The following SMC2 variants were observed in gnomAD, a reference collection of about 807,000 sequenced individuals.
SMC2 encodes structural maintenance of chromosomes 2, also known as structural maintenance of chromosomes protein 2.
In SMC2, 41 loss-of-function variants were observed where a neutral mutation model predicts 142.6. The ratio of observed to expected loss-of-function variants is 0.29; its 90% CI spans 0.22 to 0.37. The LOEUF (loss-of-function observed/expected upper bound fraction) is 0.37, where lower values mean the gene tolerates loss of function less well. SMC2 is among the 10% of genes least tolerant of loss of function. The pLI is 1.00. For missense variants in SMC2, 1,265 were observed against 1,373.7 expected (o/e 0.92, Z 1.25); for synonymous variants, 463 against 457.5 (o/e 1.01, Z -0.15).
intron 15 of SMC2, among the ~76,000 whole-genome samples, chr9:104,119,455 G>A (rs776922351): frequency 2.0e-5 from 3 of 151,978 alleles, no homozygotes; most frequent in Non-Finnish European, 4.4e-5. Flanking sequence ...ATGTGAAATC[G>A]GCTTATTCTG....
upstream of SMC2, among the ~76,000 whole-genome samples, chr9:104,090,931 A>C (rs1829974535): frequency 6.6e-6 from 1 of 152,260 alleles, no homozygotes; most frequent in Admixed American, 6.5e-5. Flanking sequence ...AGAATTCACA[A>C]AGAACCAAAC....
Position 104,134,594 on chromosome 9 carries a change from ATATTATAATTTTCATTCCTCTT to A in SMC2, c.3269+30_3269+51del. The A allele has an allele frequency of 7.4e-7, 1 of 1,344,082 alleles. No homozygotes were observed. The highest frequency in any genetic ancestry group is 1.4e-5 in the South Asian group (1 of 73,554). The allele number at this position is 1,344,082 out of a possible 1,614,324, so 83.3% of individuals were successfully genotyped here. A position where few individuals can be genotyped will look rare whatever the true frequency, so the allele number is the denominator to read the frequency against. Reference sequence around the variant, plus strand: ...GTCAGAGGTGAGGAATCACTTTGCTATATTATAATTTTCATTCCTCTTTATTATAATTCATCTCCTTACCTTA... The same window carrying A: ...GTCAGAGGTGAGGAATCACTTTGCTATATTATAATTCATCTCCTTACCTTA... On this transcript the variant is annotated intron_variant, in intron 23 of 24. Transcript: ENST00000374793.
intron 15 of SMC2, among the ~76,000 whole-genome samples, chr9:104,118,922 C>T (rs542783135): frequency 3.4e-4 from 51 of 152,164 alleles, no homozygotes; most frequent in African/African-American, 1.1e-3. Flanking sequence ...TTAATAACAA[C>T]GATGAGGTAG....
chr9:104,120,585 A>G (rs1157515192), intron 16 of SMC2, among the ~76,000 whole-genome samples: 2 of 152,178 alleles, frequency 1.3e-5, no homozygotes, highest in African/African-American at 4.8e-5. Context: ...TGGCTGTCCT[A>G]CATATATCAA....
chr9:104,118,450 G>A, intron 15 of SMC2, 75 bp downstream of exon 15: 11 of 1,211,116 alleles, frequency 9.1e-6, no homozygotes, highest in African/African-American at 1.5e-5. Flanking sequence ...TACATTTTTA[G>A]CCCAACTACC....
At position 104,114,044 on chromosome 9, in the gene SMC2, C is replaced by G. The variant is rs1194473918; in HGVS notation, c.1495C>G (p.Leu499Val). The change falls in exon 12 of 25, where the codon CTA becomes GTA. Residue 499 changes from leucine (L) to valine (V), a missense_variant. Leu to Val is a conservative substitution (Grantham distance 32). This residue lies in a region of SMC2 where 898 missense variants were observed against 904.2 expected (regional missense o/e 0.99). Coordinates refer to ENST00000374793, the MANE Select transcript of SMC2 (RefSeq NM_006444.3). Reference protein sequence around the residue: ...IGRLKETYEALLARFPNLRFA... With the variant: ...IGRLKETYEAVLARFPNLRFA... The stretch of plus-strand genomic sequence containing the variant: ...TAGATTGAAAGAAACATATGAAGCT[C>G]TATTAGCCAGATTTCCCAATCTTCG... The G allele has an allele frequency of 1.3e-6, 2 of 1,595,508 alleles. No homozygotes were observed.
chr9:104,130,312 G>A (rs1834805574), intron 21 of SMC2, among the ~76,000 whole-genome samples: 8 of 152,014 alleles, frequency 5.3e-5, no homozygotes. Context: ...TCCCTAACCT[G>A]ACAAAACTTT....
At position 104,138,105 on chromosome 9, in the gene SMC2, G is replaced by A. The variant is rs749514735; in HGVS notation, c.3357G>A (p.Leu1119=). 1.9e-6 allele frequency: 3 copies of A among 1,609,334 alleles called. No homozygotes were observed. The highest frequency in any genetic ancestry group is 1.1e-5 in the South Asian group (1 of 90,478). Residue 1119 remains leucine (L), a synonymous_variant, in exon 24 of 25, where the codon TTG becomes TTA. Coordinates refer to ENST00000374793, the MANE Select transcript of SMC2 (RefSeq NM_006444.3). ...TCCTTGATGAGGTAGATGCAGCCTTGGATCTTTCTCATACCCAAAACATTG... is the reference window on the plus strand; with the variant it reads ...TCCTTGATGAGGTAGATGCAGCCTTAGATCTTTCTCATACCCAAAACATTG... ...IYILDEVDAA[L]DLSHTQNIGQ... is the part of the protein sequence containing the mutation.
chr9:104,096,337 TATGTCTG>T (rs1830442483), intron 3 of SMC2, 40 bp downstream of exon 3: 1 of 1,597,720 alleles, frequency 6.3e-7, no homozygotes, highest in African/African-American at 1.3e-5. Flanking sequence ...TAAGACCTTT[TATGTCTG>T]ATGTGGTTTT....
chr9:104,110,607 T>G (rs1010105584), intron 9 of SMC2, among the ~76,000 whole-genome samples: 2 of 36,780 alleles, frequency 5.4e-5, no homozygotes, highest in Admixed American at 3.4e-4. Flanking sequence ...ACTAAATAAT[T>G]GAATCTAAGT....
At position 104,101,930 on chromosome 9, in the gene SMC2, G is replaced by GT. The variant is rs1831178996; in HGVS notation, c.637-28dup. The GT allele has an allele frequency of 2.2e-6, 3 of 1,346,184 alleles. No individual in the cohort carries two copies. The East Asian group carries it at 7.0e-5, about 31-fold the overall frequency. The allele number at this position is 1,346,184 out of a possible 1,614,324, so 83.4% of individuals were successfully genotyped here. ...AATTTTTTTTTTAATACAATTTTGA[G>GT]TTATTCTTTTTTTGTGATTTCTCTT... On this transcript the variant is annotated intron_variant, in intron 7 of 24. Transcript: ENST00000374793.
At chr9:104,137,914 GATAA>G (rs1482511873) in intron 23 of SMC2, 100 bp from the exon 24 acceptor site, 2 of 693,752 alleles carry the variant, frequency 2.9e-6, no homozygotes, top group Non-Finnish European at 4.3e-6. Context: ...CTACCTTTCA[GATAA>G]ATCTGCTCTA....
chr9:104,106,173 C>A (rs901958247), intron 9 of SMC2, among the ~76,000 whole-genome samples: 1 of 152,112 alleles, frequency 6.6e-6, no homozygotes, highest in East Asian at 1.9e-4. Flanking sequence ...TAACAGGGTG[C>A]ATGGAAAGTC....
intron 9 of SMC2, 70 bp from the exon 10 acceptor site, chr9:104,111,511 G>C (rs1253715354): frequency 2.3e-5 from 20 of 856,106 alleles, no homozygotes; most frequent in Non-Finnish European, 7.5e-6. Flanking sequence ...ATTACATAAG[G>C]GTATGCGTAT....
At chr9:104,133,202 A>G (rs1835176491) in intron 22 of SMC2, among the ~76,000 whole-genome samples, 1 of 152,006 alleles carries the variant, frequency 6.6e-6, no homozygotes, top group Admixed American at 6.6e-5. Context: ...ATATCGATCT[A>G]TGAATATAAC....
intron 16 of SMC2, 119 bp from the exon 17 acceptor site, chr9:104,122,989 C>A: frequency 1.0e-6 from 1 of 966,328 alleles, no homozygotes; most frequent in Non-Finnish European, 1.5e-6. Flanking sequence ...TAACCAGTAG[C>A]ATCTTATATT....
At chr9:104,121,850 G>A (rs764830681) in intron 16 of SMC2, among the ~76,000 whole-genome samples, 2 of 151,940 alleles carry the variant, frequency 1.3e-5, no homozygotes, top group Non-Finnish European at 2.9e-5. Flanking sequence ...GCCCGATCTC[G>A]GCTCACTGCA....
At chr9:104,088,800 A>G in the SMC2 span, among the ~76,000 whole-genome samples, 1 of 152,070 alleles carries the variant, frequency 6.6e-6, no homozygotes. Flanking sequence ...CCACTCAACT[A>G]TGGATTCCTT....
At position 104,120,036 on chromosome 9, in the gene SMC2, C is replaced by T; in HGVS notation, c.2006C>T (p.Ser669Phe). The T allele has an allele frequency of 6.2e-7, 1 of 1,613,858 alleles. No homozygotes were observed. Among genetic ancestry groups the T allele is most frequent in the African/African-American group, 1.3e-5 (1 of 74,954 alleles). ...PHGTLSGGARSQAASILTKFQ... is the reference protein window; with the variant it reads ...PHGTLSGGARFQAASILTKFQ... ...AATTTGCCTCTATCAGGTGCTCGAT[C>T]CCAGGCAGCTTCCATTTTAACCAAG... Residue 669 changes from serine (S) to phenylalanine (F), a missense_variant, in exon 16 of 25, where the codon TCC (serine) becomes TTC (phenylalanine). Physicochemically the swap from Ser to Phe is radical, Grantham distance 155. Coordinates refer to ENST00000374793, the MANE Select transcript of SMC2 (RefSeq NM_006444.3).
Sources: gnomAD v4.1 joint callset for allele counts (sites outside exome capture counted in the v4.1 genomes callset) on GRCh38, gnomAD v4.1.1 for gene constraint, gnomAD v4.1.1 regional missense constraint, MANE v1.5 for transcripts, NCBI Gene and HGNC (gene_info 2026-07-23, HGNC 2026-07-21) for gene names.